Variants in MYLK observed in about 807,000 individuals in gnomAD.
MYLK encodes the protein myosin light chain kinase.
A neutral mutation model predicts 203.4 loss-of-function variants in MYLK; 106 were observed. The observed-to-expected ratio is 0.52, with a 90% confidence interval of 0.45 to 0.61. MYLK has a LOEUF of 0.61. Ranked by LOEUF, MYLK falls within the 20% of genes least tolerant of loss-of-function variation. The pLI, the probability that MYLK is intolerant of heterozygous loss-of-function variation, is 0.00. For synonymous variants in MYLK, 867 were observed against 959.5 expected, an observed-to-expected ratio of 0.90 and a Z score of 1.78; for missense variants, 2,072 against 2,442.3, an observed-to-expected ratio of 0.85 and a Z score of 3.20.
At position 123,735,157 on chromosome 3, in the gene MYLK, T is replaced by C. The variant is rs910781134; in HGVS notation, c.773+241A>G. The C allele has an allele frequency of 1.0e-5, 6 of 573,258 alleles. No individual in the cohort carries two copies. The African/African-American group carries it at 1.1e-4, about 11-fold the overall frequency. 35.5% of individuals were successfully genotyped at this position (573,258 alleles called of 1,614,324 possible). On this transcript the variant is annotated intron_variant, in intron 9 of 33. Coordinates refer to ENST00000360304, the MANE Select transcript of MYLK (RefSeq NM_053025.4). ...CTAACCAGAGAAGAGACTGTGTAGATACTGTGAAAGGTGGCAACACTGAGT... is the reference window on the plus strand; with the variant it reads ...CTAACCAGAGAAGAGACTGTGTAGACACTGTGAAAGGTGGCAACACTGAGT...
rs185751307 is a variant in MYLK at position 123,705,018 on chromosome 3, C to T, written c.2390+2736G>A. Among the ~76,000 whole-genome samples the T allele has an allele frequency of 9.0e-3, 1,373 of 152,312 alleles. 25 individuals carry two copies. The highest frequency in any genetic ancestry group is 0.031 in the African/African-American group (1,300 of 41,556). ...TTGAGCTGACTTTTTGTCATTTCCC[C>T]TTTTGGTACAGTAGACAAGAGCTAG... On this transcript the variant is annotated intron_variant, in intron 16 of 33. Coordinates refer to ENST00000360304, the MANE Select transcript of MYLK (RefSeq NM_053025.4).
At chr3:123,871,273 T>C (rs1363953910) in intron 2 of MYLK, among the ~76,000 whole-genome samples, 2 of 152,156 alleles carry the variant, frequency 1.3e-5, no homozygotes, top group Non-Finnish European at 2.9e-5. Context: ...GCATTCACTT[T>C]AGCAAACTAG....
At chr3:123,725,008 G>A (rs964614785) in intron 12 of MYLK, among the ~76,000 whole-genome samples, 1 of 152,192 alleles carries the variant, frequency 6.6e-6, no homozygotes, top group Non-Finnish European at 1.5e-5. Context: ...GCCTCCCAAA[G>A]TGCGGATTAC....
intron 2 of MYLK, among the ~76,000 whole-genome samples, chr3:123,863,146 GT>G (rs528414045): frequency 1.3e-5 from 2 of 152,138 alleles, no homozygotes; most frequent in Non-Finnish European, 2.9e-5. Flanking sequence ...AAAGGAAGGT[GT>G]TTTTGCAACA....
chr3:123,839,107 C>T (rs906866505), intron 2 of MYLK, among the ~76,000 whole-genome samples: 1 of 151,672 alleles, frequency 6.6e-6, no homozygotes, highest in Non-Finnish European at 1.5e-5. Flanking sequence ...CAAAACAAAA[C>T]AAACAAACAA....
intron 14 of MYLK, chr3:123,709,363 G>A (rs540696680): frequency 1.4e-4 from 40 of 281,010 alleles, no homozygotes; most frequent in Non-Finnish European, 1.7e-4. Flanking sequence ...GGATGGTCTC[G>A]ATCTCCTGAC....
In MYLK at chr3:123,640,567, G is replaced by A. The variant is rs1243502284; in HGVS notation, c.4620-63C>T. 9.5e-6 allele frequency: 15 copies of A among 1,576,260 alleles called. No homozygotes were observed. Among genetic ancestry groups the A allele is most frequent in the Non-Finnish European group, 1.2e-5 (14 of 1,148,046 alleles). ...CTCATGGAGGCCAGGCTGGCAGGGA[G>A]TCTGGCCAGGGTAGGCTGGGGGTAG... On this transcript the variant is annotated intron_variant, in intron 27 of 33. Coordinates refer to ENST00000360304, the MANE Select transcript of MYLK (RefSeq NM_053025.4). This position sits in a 1 kb window ranked among gnomAD's most constrained non-coding sequence, Gnocchi z 4.3.
At chr3:123,729,320 T>C (rs1263439053) in intron 11 of MYLK, among the ~76,000 whole-genome samples, 2 of 152,202 alleles carry the variant, frequency 1.3e-5, no homozygotes, top group East Asian at 1.9e-4. Context: ...ATCACTAAAC[T>C]AACTAAGCAG....
intron 4 of MYLK, among the ~76,000 whole-genome samples, chr3:123,756,356 G>A (rs1324606375): frequency 2.0e-5 from 3 of 152,120 alleles, no homozygotes; most frequent in African/African-American, 7.2e-5. Flanking sequence ...CCTTGTTTTC[G>A]TAATAGGACA....
chr3:123,725,480 C>T (rs2062246329), intron 12 of MYLK, among the ~76,000 whole-genome samples: 1 of 152,200 alleles, frequency 6.6e-6, no homozygotes, highest in Non-Finnish European at 1.5e-5. Context: ...CCCAGAACCA[C>T]CTGCCACTAA....
intron 2 of MYLK, among the ~76,000 whole-genome samples, chr3:123,833,007 G>T (rs1274311288): frequency 6.6e-6 from 1 of 151,986 alleles, no homozygotes; most frequent in Non-Finnish European, 1.5e-5. Flanking sequence ...ACACTTTGAG[G>T]GACACTTTGA....
intron 3 of MYLK, among the ~76,000 whole-genome samples, chr3:123,813,107 T>A (rs1382461200): frequency 6.6e-6 from 1 of 152,226 alleles, no homozygotes; most frequent in Non-Finnish European, 1.5e-5. Flanking sequence ...CAAGTCCCTA[T>A]CTGCTTAAAG....
At chr3:123,659,724 C>CT (rs1456395849) in intron 23 of MYLK, 4 of 517,224 alleles carry the variant, frequency 7.7e-6, no homozygotes, top group African/African-American at 7.7e-5. Context: ...CAGGGAGCTC[C>CT]TGTGAGCTTG....
intron 4 of MYLK, among the ~76,000 whole-genome samples, chr3:123,765,232 A>C (rs6798042): frequency 0.067 from 10,153 of 152,202 alleles, 1,088 homozygotes; most frequent in African/African-American, 0.23. Flanking sequence ...GGGACTTGAA[A>C]AGAAATTTGT....
intron 28 of MYLK, chr3:123,638,723 G>T: frequency 1.0e-6 from 1 of 984,078 alleles, no homozygotes; most frequent in Non-Finnish European, 1.2e-6. Flanking sequence ...CCTGAGCCAT[G>T]CTTACCACCG....
chr3:123,637,069 T>C (rs1181208937), intron 29 of MYLK, among the ~76,000 whole-genome samples: 4 of 152,176 alleles, frequency 2.6e-5, no homozygotes, highest in Non-Finnish European at 5.9e-5. Context: ...TAAGAAAGTA[T>C]TCATAGAGGT....
At chr3:123,847,244 G>T (rs34046554) in intron 2 of MYLK, among the ~76,000 whole-genome samples, 68,352 of 151,860 alleles carry the variant, frequency 0.45, 18,422 homozygotes, top group Non-Finnish European at 0.63. Context: ...TTTTATATAA[G>T]GGACTTGAGC....
At chr3:123,656,947 T>C (rs533879399) in intron 24 of MYLK, among the ~76,000 whole-genome samples, 179 bp downstream of exon 24, 2 of 152,344 alleles carry the variant, frequency 1.3e-5, no homozygotes, top group South Asian at 2.1e-4. Flanking sequence ...TAAGTATTAA[T>C]ACTTTTTTTG....
At chr3:123,686,478 C>A (rs1280437350) in intron 19 of MYLK, among the ~76,000 whole-genome samples, 4 of 151,906 alleles carry the variant, frequency 2.6e-5, no homozygotes, top group South Asian at 4.2e-4. Context: ...CTTCTAGGGG[C>A]CCCCAGTGGG....
Sources: allele counts gnomAD v4.1 joint callset (sites outside exome capture counted in the v4.1 genomes callset), GRCh38; gene constraint gnomAD v4.1.1; non-coding constraint Gnocchi (gnomAD v3.1); transcripts MANE v1.5; gene names NCBI Gene and HGNC (gene_info 2026-07-23, HGNC 2026-07-21).